Variants in DMD observed in about 807,000 individuals in gnomAD.
The protein encoded by DMD is dystrophin.
DMD carries 63 observed loss-of-function variants against 330.1 expected under a neutral mutation model. The observed-to-expected ratio is 0.19, with a 90% CI of 0.16 to 0.24. The LOEUF (loss-of-function observed/expected upper bound fraction) is 0.24, where lower values mean the gene tolerates loss of function less well. Ranked by LOEUF, DMD falls within the 10% of genes least tolerant of loss-of-function variation. The pLI, the probability that DMD is intolerant of heterozygous loss-of-function variation, is 1.00. For synonymous variants in DMD, 1,223 were observed against 959.8 expected (o/e 1.27, Z -5.07); for missense variants, 3,344 against 2,684.1 (o/e 1.25, Z -5.43).
At chrX:31,552,130 C>T (rs1461089180) in intron 55 of DMD, among the ~76,000 whole-genome samples, 1 of 111,867 alleles carries the variant, frequency 8.9e-6, no homozygotes, top group African/African-American at 3.3e-5. Context: ...TGCGCAAATG[C>T]TCTCCTGCAT....
At chrX:32,017,610 A>G (rs1245930109) in intron 44 of DMD, among the ~76,000 whole-genome samples, 1 of 111,907 alleles carries the variant, frequency 8.9e-6, no homozygotes, top group Non-Finnish European at 1.9e-5. Flanking sequence ...TGAGTCTAGC[A>G]TGTGGGAAGT....
In DMD at chrX:32,063,187, A is replaced by AACACACACACACACACACACAC. The variant is rs113943502; in HGVS notation, c.6439-94695_6439-94674dup. Among the ~76,000 whole-genome samples, 19 of 100,774 alleles carry AACACACACACACACACACACAC rather than the reference A, an allele frequency of 1.9e-4. No homozygotes were observed. The East Asian group carries it at 2.6e-3, about 14-fold the overall frequency. 87.5% of individuals were successfully genotyped at this position (100,774 alleles called of 115,157 possible). A position where few individuals can be genotyped will look rare whatever the true frequency, so the allele number is the denominator to read the frequency against. ...CTCAAATAATGTTTTAAGTATGTCT[A>AACACACACACACACACACACAC]ACACACACACACACACACACACACA... On this transcript the variant is annotated intron_variant, in intron 44 of 78. Transcript: ENST00000357033.
At chrX:31,431,796 C>CTTTT (rs201396047) in intron 60 of DMD, among the ~76,000 whole-genome samples, 1 of 103,406 alleles carries the variant, frequency 9.7e-6, no homozygotes, top group African/African-American at 4.0e-5. Flanking sequence ...TATTTTCTTT[C>CTTTT]TTTTCTTTTC....
At chrX:32,302,135 G>C (rs1280176102) in intron 42 of DMD, among the ~76,000 whole-genome samples, 2 of 111,160 alleles carry the variant, frequency 1.8e-5, no homozygotes, top group South Asian at 7.4e-4. Context: ...TTCAACTTTA[G>C]GGTGGTGAGA....
At chrX:32,226,208 G>T (rs2097147308) in intron 43 of DMD, among the ~76,000 whole-genome samples, 1 of 111,224 alleles carries the variant, frequency 9.0e-6, no homozygotes, top group Admixed American at 9.6e-5. Context: ...TTCCTACTTT[G>T]GTCCCTATAC....
At chrX:31,957,712 T>C (rs752903268) in intron 45 of DMD, among the ~76,000 whole-genome samples, 1 of 112,159 alleles carries the variant, frequency 8.9e-6, no homozygotes, top group Non-Finnish European at 1.9e-5. Context: ...TTATAATAAA[T>C]TTAGACTTAT....
rs72626059 is a variant in DMD, at chrX:32,935,568, T to C, written c.93+84571A>G. 0.012 allele frequency among the ~76,000 whole-genome samples: 1,313 copies of C among 112,119 alleles called. 59 individuals carry two copies. In the East Asian group the frequency reaches 0.19, roughly 16 times the overall value. On this transcript the variant is annotated intron_variant, in intron 2 of 78. Transcript: ENST00000357033. Reference sequence around the variant, plus strand: ...CAATTATTTGCTATTATGAACACTGTAGCTACGAATGTCCTTCCCTCCCTC... The same window carrying C: ...CAATTATTTGCTATTATGAACACTGCAGCTACGAATGTCCTTCCCTCCCTC...
At chrX:33,332,416 C>G (rs1376854776) in intron 1 of DMD, among the ~76,000 whole-genome samples, 1 of 111,398 alleles carries the variant, frequency 9.0e-6, no homozygotes, top group Non-Finnish European at 1.9e-5. Flanking sequence ...TAACATATAA[C>G]AAATGAAGAC....
chrX:31,583,223 C>A (rs1368254442), intron 55 of DMD, among the ~76,000 whole-genome samples: 1 of 111,743 alleles, frequency 8.9e-6, no homozygotes, highest in African/African-American at 3.3e-5. Flanking sequence ...GCAGCATATG[C>A]TTTGAGAGTC....
intron 52 of DMD, among the ~76,000 whole-genome samples, chrX:31,691,118 T>TA (rs926773750): frequency 3.4e-4 from 36 of 105,404 alleles, no homozygotes; most frequent in Non-Finnish European, 3.9e-4. Flanking sequence ...AAAGTATAAT[T>TA]AAAAAAAAAA....
At chrX:31,811,925 G>A (rs749921012) in intron 50 of DMD, among the ~76,000 whole-genome samples, 1 of 111,345 alleles carries the variant, frequency 9.0e-6, no homozygotes, top group South Asian at 3.8e-4. Flanking sequence ...AGAGGAATAA[G>A]AATGCAAGAA....
intron 1 of DMD, among the ~76,000 whole-genome samples, chrX:33,270,198 T>C (rs1203702475): frequency 1.8e-5 from 2 of 111,171 alleles, no homozygotes; most frequent in African/African-American, 3.3e-5. Flanking sequence ...AAAAGAAAAT[T>C]ATTGTATAAG....
At chrX:33,271,867 G>T (rs1314510215) in intron 1 of DMD, among the ~76,000 whole-genome samples, 1 of 110,152 alleles carries the variant, frequency 9.1e-6, no homozygotes, top group East Asian at 2.8e-4. Context: ...GAGTGGCAAA[G>T]CAAATGTGTG....
rs779079807 is a variant in DMD at position 32,033,954 on chromosome X, T to A, written c.6439-65440A>T. Among the ~76,000 whole-genome samples the A allele has an allele frequency of 2.7e-5, 3 of 111,902 alleles. No individual in the cohort carries two copies. The East Asian group carries it at 8.5e-4, about 32-fold the overall frequency. ...CTATGTGATACAGATTATCAAAAGA[T>A]GACAATTTTTTAAATTCCCAGACCA... On this transcript the variant is annotated intron_variant, in intron 44 of 78. Transcript: ENST00000357033.
intron 43 of DMD, among the ~76,000 whole-genome samples, chrX:32,271,262 A>C (rs1219731288): frequency 8.9e-6 from 1 of 112,507 alleles, no homozygotes; most frequent in East Asian, 2.8e-4. Context: ...GATAGTTTAA[A>C]TTTATTCAAA....
intron 12 of DMD, among the ~76,000 whole-genome samples, chrX:32,597,035 C>T (rs764716306): frequency 2.9e-4 from 32 of 111,768 alleles, no homozygotes; most frequent in Non-Finnish European, 5.5e-4. Flanking sequence ...ATACCATTCT[C>T]GCCCTCACAG....
chrX:31,724,259 A>C (rs931838907), intron 52 of DMD, among the ~76,000 whole-genome samples: 1 of 112,688 alleles, frequency 8.9e-6, no homozygotes. Context: ...CATTAGCAAC[A>C]GAGATTTCAT....
At chrX:32,983,381 A>G (rs1164172271) in intron 2 of DMD, among the ~76,000 whole-genome samples, 2 of 111,002 alleles carry the variant, frequency 1.8e-5, no homozygotes, top group Admixed American at 9.7e-5. Context: ...AAGTAATACA[A>G]TTTGTATTCT....
At chrX:32,118,511 C>A (rs2096620844) in intron 44 of DMD, among the ~76,000 whole-genome samples, 1 of 110,602 alleles carries the variant, frequency 9.0e-6, no homozygotes, top group African/African-American at 3.3e-5. Flanking sequence ...ATATTGATAA[C>A]CAAAGCTGAT....
Sources: allele counts gnomAD v4.1 joint callset (sites outside exome capture counted in the v4.1 genomes callset), GRCh38; gene constraint gnomAD v4.1.1; transcripts MANE v1.5; gene names NCBI Gene and HGNC (gene_info 2026-07-23, HGNC 2026-07-21).